BANK1: variants seen among roughly 807,000 people sequenced by gnomAD.
BANK1 encodes B-cell scaffold protein with ankyrin repeats.
BANK1 carries 95 observed loss-of-function variants against 94.5 expected under a neutral mutation model. The observed-to-expected ratio is 1.00, with a 90% CI of 0.85 to 1.19. The LOEUF is 1.19. Ranked by LOEUF, BANK1 falls within the 50% of genes most tolerant of loss-of-function variation. The pLI is 0.00. For synonymous variants in BANK1, 334 were observed against 308.4 expected (o/e 1.08, Z -0.87); for missense variants, 987 against 932.2 (o/e 1.06, Z -0.77).
chr4:101,835,603 G>A (rs1021876690), intron 2 of BANK1, among the ~76,000 whole-genome samples: 6 of 152,124 alleles, frequency 3.9e-5, no homozygotes, highest in African/African-American at 1.4e-4. Flanking sequence ...TTATTGGAAA[G>A]GCAAAACAAA....
intron 7 of BANK1, among the ~76,000 whole-genome samples, chr4:101,926,468 C>T (rs1004039912): frequency 2.8e-4 from 42 of 151,684 alleles, no homozygotes; most frequent in Non-Finnish European, 4.4e-4. Flanking sequence ...AGCCAGAAAA[C>T]AGTCTCCATT....
At position 101,853,079 on chromosome 4, in the gene BANK1, A is replaced by G. The variant is rs142792071; in HGVS notation, c.470-1956A>G. ...TAAGCCAGGAGGAAGAGAGAGAGAG[A>G]GAAAGAAAGAAAGAGATTGCTTATG... On this transcript the variant is annotated intron_variant, in intron 2 of 16. Transcript: ENST00000322953. Among the ~76,000 whole-genome samples the G allele has an allele frequency of 6.6e-5, 10 of 152,238 alleles. No homozygotes were observed. In the East Asian group the frequency reaches 1.9e-3, roughly 29 times the overall value.
intron 2 of BANK1, among the ~76,000 whole-genome samples, chr4:101,832,594 A>G (rs1399091816): frequency 1.3e-5 from 2 of 152,104 alleles, no homozygotes; most frequent in African/African-American, 2.4e-5. Flanking sequence ...TTTCGTTTTC[A>G]TAGTACTTTT....
chr4:101,828,666 A>T (rs1177606864), intron 1 of BANK1, among the ~76,000 whole-genome samples: 1 of 151,976 alleles, frequency 6.6e-6, no homozygotes, highest in Non-Finnish European at 1.5e-5. Flanking sequence ...GTTATGCAAT[A>T]TTTTATAGTA....
At chr4:102,066,367 C>T (rs1259962544) in intron 13 of BANK1, among the ~76,000 whole-genome samples, 2 of 151,636 alleles carry the variant, frequency 1.3e-5, no homozygotes, top group African/African-American at 4.8e-5. Context: ...CGCTATTCTC[C>T]TGCCTCAGCC....
At chr4:101,896,594 A>G (rs1188717358) in intron 6 of BANK1, among the ~76,000 whole-genome samples, 1 of 151,950 alleles carries the variant, frequency 6.6e-6, no homozygotes, top group African/African-American at 2.4e-5. Flanking sequence ...TTTCCAATAT[A>G]CATTTTTAAC....
At chr4:101,924,726 A>G (rs1207715616) in intron 7 of BANK1, among the ~76,000 whole-genome samples, 1 of 151,840 alleles carries the variant, frequency 6.6e-6, no homozygotes, top group East Asian at 1.9e-4. Flanking sequence ...AAGATAAATT[A>G]GCCCTAAAAT....
intron 6 of BANK1, among the ~76,000 whole-genome samples, chr4:101,901,383 G>C (rs1304649225): frequency 3.9e-5 from 6 of 152,152 alleles, no homozygotes; most frequent in South Asian, 2.1e-4. Flanking sequence ...ATAAAACGTA[G>C]AACAGGTCTA....
At chr4:102,070,577 G>A (rs978988402) in intron 13 of BANK1, among the ~76,000 whole-genome samples, 2 of 152,182 alleles carry the variant, frequency 1.3e-5, no homozygotes, top group African/African-American at 4.8e-5. Flanking sequence ...ACTTTAGTGA[G>A]GCAACTCTGG....
At chr4:102,073,282 A>G (rs1728816180) in intron 15 of BANK1, among the ~76,000 whole-genome samples, 1 of 150,880 alleles carries the variant, frequency 6.6e-6, no homozygotes, top group Non-Finnish European at 1.5e-5. Flanking sequence ...TATATTATAG[A>G]CTCATTAGAC....
At chr4:101,836,514 T>C (rs1054471852) in intron 2 of BANK1, among the ~76,000 whole-genome samples, 5 of 152,024 alleles carry the variant, frequency 3.3e-5, no homozygotes, top group Non-Finnish European at 7.4e-5. Context: ...CAAAAAAATT[T>C]CATTTTAAAA....
chr4:102,057,603 T>C (rs1728275257), intron 11 of BANK1, among the ~76,000 whole-genome samples: 1 of 152,090 alleles, frequency 6.6e-6, no homozygotes, highest in Admixed American at 6.6e-5. Flanking sequence ...AGTGCCGGGG[T>C]TACAGGTGTC....
chr4:101,968,188 T>G (rs1724827736), intron 7 of BANK1, among the ~76,000 whole-genome samples: 2 of 152,192 alleles, frequency 1.3e-5, no homozygotes, highest in East Asian at 1.9e-4. Flanking sequence ...TCAAAAGATT[T>G]ATTTACTGTA....
intron 7 of BANK1, among the ~76,000 whole-genome samples, chr4:102,014,892 G>A (rs565885181): frequency 6.6e-6 from 1 of 152,216 alleles, no homozygotes; most frequent in South Asian, 2.1e-4. Flanking sequence ...TTTTATCTGA[G>A]TTCTGAATAC....
chr4:101,811,657 A>C (rs889984376), intron 1 of BANK1, among the ~76,000 whole-genome samples: 1 of 152,148 alleles, frequency 6.6e-6, no homozygotes, highest in South Asian at 2.1e-4. Flanking sequence ...ACCGTGAAAA[A>C]TCAGGGCCAT....
chr4:102,013,739 A>G (rs1726598801), intron 7 of BANK1, among the ~76,000 whole-genome samples: 1 of 151,876 alleles, frequency 6.6e-6, no homozygotes, highest in Admixed American at 6.6e-5. Context: ...TTTATTTTTA[A>G]TCTTTATATT....
intron 1 of BANK1, among the ~76,000 whole-genome samples, chr4:101,808,984 A>G (rs1201428433): frequency 2.0e-5 from 3 of 152,198 alleles, no homozygotes; most frequent in Non-Finnish European, 4.4e-5. Context: ...TGATCCAGCA[A>G]TCCCACTACT....
At chr4:102,049,507 T>G (rs77158399) in intron 11 of BANK1, among the ~76,000 whole-genome samples, 3,083 of 152,166 alleles carry the variant, frequency 0.02, 121 homozygotes, top group African/African-American at 0.071. Flanking sequence ...ATAGATTACA[T>G]CCACAGATCT....
chr4:102,011,274 A>G (rs1295757555), intron 7 of BANK1, among the ~76,000 whole-genome samples: 2 of 152,252 alleles, frequency 1.3e-5, no homozygotes, highest in Non-Finnish European at 2.9e-5. Flanking sequence ...CTAAATTAAA[A>G]TAAATATCAG....
Sources: gnomAD v4.1 joint callset for allele counts (sites outside exome capture counted in the v4.1 genomes callset) on GRCh38, gnomAD v4.1.1 for gene constraint, MANE v1.5 for transcripts, NCBI Gene and HGNC (gene_info 2026-07-23, HGNC 2026-07-21) for gene names.